Variants in ZMYND11 observed in about 807,000 individuals in gnomAD.
The protein encoded by ZMYND11 is zinc finger MYND domain-containing protein 11.
Under a neutral mutation model 84.9 loss-of-function variants are expected in ZMYND11, and 9 were observed. The ratio of observed to expected loss-of-function variants is 0.11; its 90% CI spans 0.06 to 0.18. ZMYND11 has a LOEUF of 0.18. Among genes scored for constraint, ZMYND11 ranks in the 10% least tolerant of loss-of-function variants. ZMYND11 has a pLI of 1.00. For missense variants in ZMYND11, 409 were observed against 761.0 expected (o/e 0.54, Z 5.44); for synonymous variants, 250 against 244.1 (o/e 1.02, Z -0.23).
chr10:177,967 G>A (rs1267387564), intron 1 of ZMYND11, among the ~76,000 whole-genome samples: 1 of 152,092 alleles, frequency 6.6e-6, no homozygotes, highest in Admixed American at 6.6e-5. Flanking sequence ...TAAGCCTAAT[G>A]ACATCTATCA....
chr10:241,015 G>A lies in ZMYND11; in HGVS notation c.831+45G>A, dbSNP rs776641516. On this transcript the variant is annotated intron_variant, in intron 9 of 14. Coordinates refer to ENST00000381604, the MANE Select transcript of ZMYND11 (RefSeq NM_001370100.5). ...CAAGTGTGTAACATACAGCTCTAAG[G>A]AAGTTTATTTCCAGTTTGGTTAAAG... 16 of 1,446,814 alleles carry A rather than the reference G, an allele frequency of 1.1e-5. No homozygotes were observed. In the South Asian group the frequency reaches 1.5e-4, roughly 13 times the overall value. 89.6% of individuals were successfully genotyped at this position (1,446,814 alleles called of 1,614,324 possible). A position where few individuals can be genotyped will look rare whatever the true frequency, so the allele number is the denominator to read the frequency against.
chr10:254,152 TTTGA>T lies in ZMYND11; in HGVS notation c.*1686_*1689del, dbSNP rs1475633346. 2.0e-5 allele frequency: 3 copies of T among 152,622 alleles called. No individual in the cohort carries two copies. The highest frequency in any genetic ancestry group is 4.4e-5 in the Non-Finnish European group (3 of 68,042). The allele number at this position is 152,622 out of a possible 1,614,324, so 9.5% of individuals were successfully genotyped here. A position where few individuals can be genotyped will look rare whatever the true frequency, so the allele number is the denominator to read the frequency against. On this transcript the variant is annotated 3_prime_UTR_variant, in exon 15 of 15. Coordinates refer to ENST00000381604, the MANE Select transcript of ZMYND11 (RefSeq NM_001370100.5). ...TCAGAACCGAGAACACTTAACCTTC[TTTGA>T]TTGTTTTTCAAGTTTTAAGACTTCG... is the stretch of plus-strand genomic sequence containing the variant.
chr10:186,658 A>G (rs1353466157), intron 2 of ZMYND11, among the ~76,000 whole-genome samples: 4 of 18,018 alleles, frequency 2.2e-4, no homozygotes, highest in African/African-American at 1.0e-3. Context: ...AAAAAAAAAA[A>G]AAAAAAAAAA....
intron 1 of ZMYND11, among the ~76,000 whole-genome samples, chr10:143,731 C>G (rs946106091): frequency 1.3e-5 from 2 of 152,150 alleles, no homozygotes; most frequent in Non-Finnish European, 1.5e-5. Flanking sequence ...TACCAGAGAT[C>G]TTTTATTTCA....
chr10:180,431 A>G (rs866291287), intron 2 of ZMYND11, among the ~76,000 whole-genome samples: 1 of 152,194 alleles, frequency 6.6e-6, no homozygotes, highest in Non-Finnish European at 1.5e-5. Context: ...ACGGAGTCTC[A>G]TTCTGTTGCC....
chr10:145,115 T>C (rs982716164), intron 1 of ZMYND11, among the ~76,000 whole-genome samples: 4 of 151,326 alleles, frequency 2.6e-5, no homozygotes, highest in Non-Finnish European at 4.4e-5. Flanking sequence ...TTATTTTCTT[T>C]TATGGCTGAG....
chr10:148,663 C>T (rs955106633), intron 1 of ZMYND11: 1 of 152,178 alleles, frequency 6.6e-6, no homozygotes, highest in African/African-American at 2.4e-5. Context: ...CCACAAAGGC[C>T]AAGATGCATG....
chr10:214,111 C>A (rs1001673717), intron 3 of ZMYND11, among the ~76,000 whole-genome samples: 1 of 152,192 alleles, frequency 6.6e-6, no homozygotes, highest in East Asian at 1.9e-4. Flanking sequence ...ATCTCAGCCA[C>A]CGTTTGCAGC....
intron 2 of ZMYND11, among the ~76,000 whole-genome samples, chr10:206,026 T>G (rs7893431): frequency 0.25 from 37,107 of 151,264 alleles, 5,566 homozygotes; most frequent in Non-Finnish European, 0.35. Context: ...TTTTTTTTTT[T>G]TTTTGTTTCA....
At chr10:186,396 A>G (rs1057204395) in intron 2 of ZMYND11, among the ~76,000 whole-genome samples, 5 of 151,870 alleles carry the variant, frequency 3.3e-5, no homozygotes, top group Non-Finnish European at 7.4e-5. Context: ...TAATCCCAGC[A>G]CTTAGGGAGA....
intron 14 of ZMYND11, among the ~76,000 whole-genome samples, chr10:251,259 C>T (rs1335098697): frequency 1.3e-5 from 2 of 152,096 alleles, no homozygotes; most frequent in African/African-American, 4.8e-5. Flanking sequence ...GATGAGGAAA[C>T]TAAGAAGTTA....
chr10:197,054 C>T (rs1192775473), intron 2 of ZMYND11, among the ~76,000 whole-genome samples: 8 of 150,040 alleles, frequency 5.3e-5, no homozygotes, highest in African/African-American at 7.4e-5. Context: ...TGCCCACGTG[C>T]GCAATGTGTT....
At chr10:141,050 C>T (rs1294455312) in intron 1 of ZMYND11, among the ~76,000 whole-genome samples, 2 of 152,170 alleles carry the variant, frequency 1.3e-5, no homozygotes, top group Non-Finnish European at 2.9e-5. Context: ...CATTAGCTTA[C>T]ACATTAATTG....
intron 1 of ZMYND11, among the ~76,000 whole-genome samples, chr10:163,466 CT>C (rs1464232634): frequency 2.6e-5 from 4 of 151,820 alleles, no homozygotes; most frequent in Non-Finnish European, 5.9e-5. Context: ...TTTTGTTCTA[CT>C]TTTTGGGAGA....
intron 1 of ZMYND11, among the ~76,000 whole-genome samples, chr10:160,631 CA>C (rs1420408475): frequency 6.6e-6 from 1 of 152,164 alleles, no homozygotes; most frequent in African/African-American, 2.4e-5. Context: ...GCTGCTTTAT[CA>C]ACTAAGTTTA....
chr10:175,559 A>C (rs1846420644), intron 1 of ZMYND11, among the ~76,000 whole-genome samples: 1 of 152,196 alleles, frequency 6.6e-6, no homozygotes, highest in South Asian at 2.1e-4. Context: ...ACAAGAGCGA[A>C]ACTCCGCCTC....
At chr10:138,506 TTTC>T (rs1233556117) in intron 1 of ZMYND11, among the ~76,000 whole-genome samples, 3 of 152,258 alleles carry the variant, frequency 2.0e-5, no homozygotes, top group Non-Finnish European at 2.9e-5. Flanking sequence ...CTCTGAGTTT[TTTC>T]TTCTTAGGGT....
intron 2 of ZMYND11, among the ~76,000 whole-genome samples, chr10:205,362 T>G (rs779505168): frequency 6.6e-5 from 10 of 152,178 alleles, no homozygotes; most frequent in Non-Finnish European, 1.5e-4. Context: ...GTGAATTAGA[T>G]TAGGTAATGA....
chr10:176,292 A>G (rs1485157120), intron 1 of ZMYND11, among the ~76,000 whole-genome samples: 2 of 151,874 alleles, frequency 1.3e-5, no homozygotes, highest in Non-Finnish European at 2.9e-5. Flanking sequence ...TTTTTTAACT[A>G]CAGGCTTCTT....
Sources: gnomAD v4.1 joint callset for allele counts (sites outside exome capture counted in the v4.1 genomes callset) on GRCh38, gnomAD v4.1.1 for gene constraint, MANE v1.5 for transcripts, NCBI Gene and HGNC (gene_info 2026-07-23, HGNC 2026-07-21) for gene names.